The following ITPK1 variants were observed in gnomAD, a reference collection of about 807,000 sequenced individuals.
ITPK1 encodes the protein inositol 1,3,4-trisphosphate 5/6-kinase.
ITPK1 carries 21 observed loss-of-function variants against 45.3 expected under a neutral mutation model. The observed-to-expected ratio is 0.46, with a 90% CI of 0.33 to 0.67. ITPK1 has a LOEUF of 0.67. Among genes scored for constraint, ITPK1 ranks in the 30% least tolerant of loss-of-function variants. The pLI is 0.02. For missense variants in ITPK1, 474 were observed against 573.5 expected, an observed-to-expected ratio of 0.83 and a Z score of 1.77; for synonymous variants, 258 against 253.6, an observed-to-expected ratio of 1.02 and a Z score of -0.16.
At chr14:93,075,488 G>T in intron 3 of ITPK1, among the ~76,000 whole-genome samples, 1 of 151,998 alleles carries the variant, frequency 6.6e-6, no homozygotes, top group Non-Finnish European at 1.5e-5. Context: ...ACAAATCTCA[G>T]TCTTCCAGTG....
At chr14:92,961,060 C>A (rs2139739171) in intron 7 of ITPK1, among the ~76,000 whole-genome samples, 1 of 152,382 alleles carries the variant, frequency 6.6e-6, no homozygotes, top group Middle Eastern at 3.4e-3. Context: ...AGTACATAAC[C>A]CAGGAAAGGC....
Position 92,968,983 on chromosome 14 carries a change from C to T in ITPK1, c.365-6134G>A, listed in dbSNP as rs542067852. Among the ~76,000 whole-genome samples, 75 of 152,314 alleles carry T rather than the reference C, an allele frequency of 4.9e-4. No homozygotes were observed. In the Middle Eastern group the frequency reaches 0.031, roughly 62 times the overall value. On this transcript the variant is annotated intron_variant, in intron 5 of 10. Coordinates refer to ENST00000267615, the MANE Select transcript of ITPK1 (RefSeq NM_014216.6). ...CTCTCAGTGGACACAGACTGTTTTG[C>T]ATCCCGAGCTGCCCCCGCTCGGGTT...
intron 3 of ITPK1, among the ~76,000 whole-genome samples, chr14:93,023,181 A>G (rs983629299): frequency 2.0e-5 from 3 of 152,206 alleles, no homozygotes; most frequent in Admixed American, 1.3e-4. Context: ...CACACGGCCT[A>G]TCAGCCCCTT....
intron 6 of ITPK1, among the ~76,000 whole-genome samples, 165 bp downstream of exon 6, chr14:92,962,586 C>T (rs1488205195): frequency 1.3e-5 from 2 of 152,152 alleles, no homozygotes; most frequent in Non-Finnish European, 2.9e-5. Context: ...GTGTCCCCTA[C>T]CAGGACCCGT....
Position 92,958,464 on chromosome 14 carries a change from C to G in ITPK1, c.505-98G>C, listed in dbSNP as rs1053777008. On this transcript the variant is annotated intron_variant, in intron 7 of 10. Transcript: ENST00000267615. The surrounding 1 kb of genome is among the most constrained non-coding windows in gnomAD (Gnocchi z 4.4). ...CCTGTCCAGAGCACCTCCACCAAGG[C>G]CCATCCCTGGTCCTGTGGCATGAGG... 1.7e-6 allele frequency: 2 copies of G among 1,184,384 alleles called. No homozygotes were observed. The highest frequency in any genetic ancestry group is 3.0e-5 in the African/African-American group (2 of 66,416). The allele number at this position is 1,184,384 out of a possible 1,614,324, so 73.4% of individuals were successfully genotyped here. A position where few individuals can be genotyped will look rare whatever the true frequency, so the allele number is the denominator to read the frequency against.
At chr14:93,039,226 C>T (rs1324635480) in intron 3 of ITPK1, among the ~76,000 whole-genome samples, 3 of 152,174 alleles carry the variant, frequency 2.0e-5, no homozygotes, top group African/African-American at 2.4e-5. Context: ...GCTTTGGGCT[C>T]CCTCTCCTAT....
At chr14:92,974,258 T>C (rs1885815538) in intron 5 of ITPK1, among the ~76,000 whole-genome samples, 1 of 152,112 alleles carries the variant, frequency 6.6e-6, no homozygotes, top group Non-Finnish European at 1.5e-5. Flanking sequence ...ATGGAAACAA[T>C]TGGATGGCAG....
intron 5 of ITPK1, among the ~76,000 whole-genome samples, chr14:92,966,240 C>T (rs1294106186): frequency 6.6e-6 from 1 of 152,152 alleles, no homozygotes; most frequent in Admixed American, 6.5e-5. Flanking sequence ...GATTGTCCCG[C>T]CTCAGCCTCC....
chr14:93,052,045 G>A (rs1168822142), intron 3 of ITPK1, among the ~76,000 whole-genome samples: 2 of 152,222 alleles, frequency 1.3e-5, no homozygotes, highest in African/African-American at 4.8e-5. Flanking sequence ...CTGCCTGGAG[G>A]GGCCACGTGG....
At chr14:92,949,646 C>T (rs1247997239) in intron 9 of ITPK1, among the ~76,000 whole-genome samples, 4 of 152,230 alleles carry the variant, frequency 2.6e-5, no homozygotes, top group African/African-American at 7.2e-5. Flanking sequence ...ATTGTGGTGC[C>T]GACGACGGGA....
At position 93,108,121 on chromosome 14, in the gene ITPK1, C is replaced by A. The variant is rs189473905; in HGVS notation, c.95+6948G>T. Among the ~76,000 whole-genome samples the A allele has an allele frequency of 1.6e-3, 247 of 152,294 alleles. 3 individuals are homozygous for A. The South Asian group carries it at 0.043, about 27-fold the overall frequency. On this transcript the variant is annotated intron_variant, in intron 2 of 10. Transcript: ENST00000267615. ...TCTCCAGAGCAAGGCCACACACACCCGGGCCGGCTCCCCAAGGGCCACCAG... is the reference window on the plus strand; with the variant it reads ...TCTCCAGAGCAAGGCCACACACACCAGGGCCGGCTCCCCAAGGGCCACCAG...
At position 92,997,111 on chromosome 14, in the gene ITPK1, G is replaced by A. The variant is rs76572780; in HGVS notation, c.247-3114C>T. Among the ~76,000 whole-genome samples, 222 of 152,306 alleles carry A rather than the reference G, an allele frequency of 1.5e-3. 3 individuals carry two copies. In the East Asian group the frequency reaches 0.022, roughly 15 times the overall value. On this transcript the variant is annotated intron_variant, in intron 4 of 10. Transcript: ENST00000267615. Reference sequence around the variant, plus strand: ...TAACGGGAGGGCCACCCACGCATTCGCTGCCTTCCTTCCAAAAGGGGGCCA... The same window carrying A: ...TAACGGGAGGGCCACCCACGCATTCACTGCCTTCCTTCCAAAAGGGGGCCA...
intron 2 of ITPK1, among the ~76,000 whole-genome samples, chr14:93,111,289 C>T (rs1379968826): frequency 1.3e-5 from 2 of 152,180 alleles, no homozygotes; most frequent in Admixed American, 1.3e-4. Context: ...GCTGAGGAAA[C>T]TGGGGCCAGC....
At chr14:93,005,660 C>T (rs1887573175) in intron 4 of ITPK1, among the ~76,000 whole-genome samples, 1 of 152,236 alleles carries the variant, frequency 6.6e-6, no homozygotes, top group Non-Finnish European at 1.5e-5. Flanking sequence ...GGTACTGCTT[C>T]TGCAGAGAGA....
At chr14:93,092,863 G>A (rs1036988495) in intron 2 of ITPK1, among the ~76,000 whole-genome samples, 14 of 152,162 alleles carry the variant, frequency 9.2e-5, no homozygotes, top group Non-Finnish European at 1.6e-4. Flanking sequence ...CCCAGGCCAG[G>A]GGGCTGGGCT....
At chr14:93,074,363 C>T (rs745339612) in intron 3 of ITPK1, among the ~76,000 whole-genome samples, 6 of 152,188 alleles carry the variant, frequency 3.9e-5, no homozygotes, top group Non-Finnish European at 7.3e-5. Context: ...TCCCACAGAC[C>T]GAGCGGATTA....
intron 3 of ITPK1, among the ~76,000 whole-genome samples, chr14:93,055,377 C>T (rs951533529): frequency 1.3e-5 from 2 of 152,196 alleles, no homozygotes; most frequent in African/African-American, 4.8e-5. Context: ...TTTAACCAAG[C>T]CATGTTCCCA....
At position 92,994,009 on chromosome 14, in the gene ITPK1, G is replaced by A. The variant is rs1886922231; in HGVS notation, c.247-12C>T. ...GCATCGATGTACTCCTGAAAGGGAA[G>A]CATGCTGCTCTGGTTAGAGCAGGGG... On this transcript the variant is annotated splice_polypyrimidine_tract_variant and intron_variant, in intron 4 of 10. Coordinates refer to ENST00000267615, the MANE Select transcript of ITPK1 (RefSeq NM_014216.6). 1.3e-6 allele frequency: 2 copies of A among 1,575,068 alleles called. No homozygotes were observed. The highest frequency in any genetic ancestry group is 1.7e-6 in the Non-Finnish European group (2 of 1,144,372).
At chr14:92,993,842 G>A (rs1213633785) in intron 5 of ITPK1, 38 bp downstream of exon 5, 2 of 1,360,840 alleles carry the variant, frequency 1.5e-6, no homozygotes, top group Non-Finnish European at 2.1e-6. Flanking sequence ...CACAAAGGTG[G>A]CTGCCTGCCA....
Sources: allele counts gnomAD v4.1 joint callset (sites outside exome capture counted in the v4.1 genomes callset), GRCh38; gene constraint gnomAD v4.1.1; non-coding constraint Gnocchi (gnomAD v3.1); transcripts MANE v1.5; gene names NCBI Gene and HGNC (gene_info 2026-07-23, HGNC 2026-07-21).